SLC67A1: variants seen among roughly 807,000 people sequenced by gnomAD.
SLC67A1 encodes the protein solute carrier family 67 member A1.
At chr11:2,910,016 C>T in the SLC67A1 span, among the ~76,000 whole-genome samples, 6 of 152,232 alleles carry the variant, frequency 3.9e-5, no homozygotes, top group African/African-American at 9.6e-5. Context: ...GGGAGGCCTC[C>T]CAGCAGCCTC....
the SLC67A1 span, among the ~76,000 whole-genome samples, chr11:2,907,903 C>T: frequency 7.3e-3 from 1,113 of 152,254 alleles, 12 homozygotes; most frequent in African/African-American, 0.026. This position sits in a 1 kb window ranked among gnomAD's most constrained non-coding sequence, Gnocchi z 6.7. Flanking sequence ...CTGCTGCTGG[C>T]GTCCCCCACA....
the SLC67A1 span, chr11:2,918,011 G>A: frequency 7.3e-5 from 117 of 1,613,268 alleles, no homozygotes; most frequent in East Asian, 1.1e-4. Context: ...CAGTGTGTTC[G>A]ACCTGAAGGC....
the SLC67A1 span, chr11:2,918,119 C>A: frequency 6.3e-7 from 1 of 1,584,336 alleles, no homozygotes; most frequent in Non-Finnish European, 8.7e-7. Flanking sequence ...ACTGCCCCAA[C>A]AGCGGCCAGA....
At chr11:2,902,770 G>A in the SLC67A1 span, 64 of 983,202 alleles carry the variant, frequency 6.5e-5, no homozygotes, top group South Asian at 1.9e-4. Flanking sequence ...TCTCCCCTAC[G>A]CAAGACCATT....
At chr11:2,914,778 C>T in the SLC67A1 span, 2 of 985,418 alleles carry the variant, frequency 2.0e-6, no homozygotes, top group African/African-American at 3.5e-5. Context: ...AGGTTTTGCC[C>T]CTGCCCAGCC....
chr11:2,909,835 T>C, the SLC67A1 span: 1 of 1,091,664 alleles, frequency 9.2e-7, no homozygotes, highest in African/African-American at 1.7e-5. Context: ...CCACGTGATG[T>C]GGCTACTGGG....
the SLC67A1 span, among the ~76,000 whole-genome samples, chr11:2,906,714 G>A: frequency 4.3e-5 from 6 of 139,846 alleles, no homozygotes; most frequent in South Asian, 2.4e-4. Flanking sequence ...GGGGCCTGTC[G>A]TGGGGTGGGG....
At chr11:2,902,724 G>A in the SLC67A1 span, 25 of 985,650 alleles carry the variant, frequency 2.5e-5, no homozygotes, top group Non-Finnish European at 3.0e-5. Flanking sequence ...GGGAGGTAAG[G>A]CAGAGCTACT....
chr11:2,909,435 G>T, the SLC67A1 span: 3 of 1,446,138 alleles, frequency 2.1e-6, no homozygotes, highest in African/African-American at 4.5e-5. Context: ...CTCCAGGGAG[G>T]TCTGCGTGCG....
chr11:2,922,274 C>A, the SLC67A1 span: 1 of 1,530,166 alleles, frequency 6.5e-7, no homozygotes, highest in Non-Finnish European at 9.0e-7. Flanking sequence ...GCGGTACCAT[C>A]TGTGCTTAAG....
chr11:2,905,144 A>G, the SLC67A1 span, among the ~76,000 whole-genome samples: 117 of 152,310 alleles, frequency 7.7e-4, no homozygotes, highest in African/African-American at 2.7e-3. Context: ...AGGGAGCTGG[A>G]CACAAGGCAG....
chr11:2,922,483 G>T, the SLC67A1 span: 6 of 1,612,702 alleles, frequency 3.7e-6, no homozygotes, highest in African/African-American at 1.3e-5. Context: ...TGCCCGGCCT[G>T]GTGTTCAGCC....
the SLC67A1 span, among the ~76,000 whole-genome samples, chr11:2,900,555 C>T: frequency 6.6e-6 from 1 of 151,648 alleles, no homozygotes; most frequent in Non-Finnish European, 1.5e-5. Flanking sequence ...TTAGCGGGGG[C>T]TGTGGCGGGC....
the SLC67A1 span, among the ~76,000 whole-genome samples, chr11:2,918,497 T>C: frequency 2.6e-5 from 4 of 152,164 alleles, no homozygotes; most frequent in African/African-American, 9.7e-5. Context: ...GGACCACAGA[T>C]AGGATAGCGA....
the SLC67A1 span, among the ~76,000 whole-genome samples, chr11:2,923,841 A>C: frequency 6.6e-6 from 1 of 152,224 alleles, no homozygotes; most frequent in East Asian, 1.9e-4. This position sits in a 1 kb window ranked among gnomAD's most constrained non-coding sequence, Gnocchi z 6.5. Flanking sequence ...TCTGGTTCCC[A>C]GCAGCAGCTT....
chr11:2,908,214 G>C, the SLC67A1 span: 1 of 1,594,384 alleles, frequency 6.3e-7, no homozygotes, highest in African/African-American at 1.3e-5. Flanking sequence ...CCTCCCCCGG[G>C]CTCCCTCCTG....
At chr11:2,916,602 G>A in the SLC67A1 span, 1 of 1,598,064 alleles carries the variant, frequency 6.3e-7, no homozygotes, top group Admixed American at 1.7e-5. Flanking sequence ...ACCCTGTGCA[G>A]CCGAGGCTGT....
At chr11:2,915,065 G>A in the SLC67A1 span, 1 of 985,280 alleles carries the variant, frequency 1.0e-6, no homozygotes, top group African/African-American at 1.7e-5. Flanking sequence ...CTGCCCTGAT[G>A]GATTGGCGGG....
At chr11:2,908,431 A>G in the SLC67A1 span, 2 of 793,210 alleles carry the variant, frequency 2.5e-6, no homozygotes, top group Admixed American at 2.8e-5. Context: ...CCCACACCGG[A>G]CCCCCCTGGG....
Sources: gnomAD v4.1 joint callset for allele counts (sites outside exome capture counted in the v4.1 genomes callset) on GRCh38, gnomAD v4.1.1 for gene constraint, Gnocchi (gnomAD v3.1) non-coding constraint, MANE v1.5 for transcripts, NCBI Gene and HGNC (gene_info 2026-07-23, HGNC 2026-07-21) for gene names.